The following ASPH variants were observed in gnomAD, a reference collection of about 807,000 sequenced individuals.
ASPH encodes the protein aspartyl/asparaginyl beta-hydroxylase.
In ASPH, 100 loss-of-function variants were observed where a neutral mutation model predicts 118.4. The observed-to-expected ratio is 0.84, with a 90% confidence interval of 0.72 to 1.00. ASPH has a LOEUF of 1.00. Among genes scored for constraint, ASPH ranks in the 50% least tolerant of loss-of-function variants. ASPH has a pLI of 0.00. For synonymous variants in ASPH, 315 were observed against 325.6 expected (o/e 0.97, Z 0.35); for missense variants, 920 against 919.5 (o/e 1.00, Z -0.01).
intron 3 of ASPH, 101 bp from the exon 4 acceptor site, chr8:61,653,761 T>C (rs973303087): frequency 1.7e-6 from 2 of 1,168,632 alleles, no homozygotes; most frequent in South Asian, 1.6e-5. Context: ...TTAATAGTGC[T>C]GCTAATTAAT....
In ASPH at chr8:61,584,014, G is replaced by T; in HGVS notation, c.992C>A (p.Pro331His). Residue 331 changes from proline (P) to histidine (H), a missense_variant, in exon 15 of 25, where the codon CCT becomes CAT. Physicochemically the swap from Pro to His is moderately conservative, Grantham distance 77. Transcript: ENST00000379454. Reference sequence around the variant, plus strand: ...CTTATCAAATTTATTTAAAAGTTTAGGCTTCTTTTTCTTAACTGAAAGAAA... The same window carrying T: ...CTTATCAAATTTATTTAAAAGTTTATGCTTCTTTTTCTTAACTGAAAGAAA... The part of the protein sequence containing the change: ...EQKAKVKKKK[P>H]KLLNKFDKTI... 3 of 1,549,440 alleles carry T rather than the reference G, an allele frequency of 1.9e-6. No individual in the cohort carries two copies. Among genetic ancestry groups the T allele is most frequent in the Non-Finnish European group, 1.8e-6 (2 of 1,141,222 alleles).
chr8:61,618,271 CAAATT>C (rs771510151), intron 14 of ASPH, among the ~76,000 whole-genome samples: 5 of 152,092 alleles, frequency 3.3e-5, no homozygotes, highest in East Asian at 1.9e-4. Context: ...TTCATCACTA[CAAATT>C]AAATTAAAAG....
intron 1 of ASPH, among the ~76,000 whole-genome samples, chr8:61,706,457 G>GAAGAAGGAGGAAGAGGAA (rs1563667395): frequency 1.6e-4 from 20 of 126,982 alleles, no homozygotes; most frequent in African/African-American, 6.4e-4. Flanking sequence ...AGAAGAAGAA[G>GAAGAAGGAGGAAGAGGAA]GAGGAAGAGG....
chr8:61,562,620 C>G, intron 18 of ASPH, 124 bp downstream of exon 18: 1 of 993,430 alleles, frequency 1.0e-6, no homozygotes. Flanking sequence ...AATATGTTAA[C>G]TATAATAATA....
intron 1 of ASPH, among the ~76,000 whole-genome samples, chr8:61,695,989 G>A (rs1833846182): frequency 1.3e-5 from 2 of 152,208 alleles, no homozygotes; most frequent in South Asian, 4.1e-4. Flanking sequence ...AGCTAAGAGA[G>A]AGAAATTCAG....
intron 14 of ASPH, chr8:61,606,355 A>G (rs1845576171): frequency 6.6e-6 from 1 of 152,232 alleles, no homozygotes; most frequent in Admixed American, 6.5e-5. Flanking sequence ...GAGAGGAGCC[A>G]AATTTCAATG....
intron 1 of ASPH, among the ~76,000 whole-genome samples, chr8:61,698,334 GGTTACAGTCT>G (rs1290591559): frequency 1.3e-5 from 2 of 152,214 alleles, no homozygotes; most frequent in African/African-American, 4.8e-5. Flanking sequence ...TACAAGGGTA[GGTTACAGTCT>G]GTTTATTCAT....
At chr8:61,595,045 T>G (rs917868661) in intron 14 of ASPH, among the ~76,000 whole-genome samples, 2 of 152,250 alleles carry the variant, frequency 1.3e-5, no homozygotes, top group African/African-American at 4.8e-5. Context: ...TTCATATTTT[T>G]TAGATATCAT....
At chr8:61,568,235 C>T (rs1460647272) in intron 16 of ASPH, among the ~76,000 whole-genome samples, 3 of 152,148 alleles carry the variant, frequency 2.0e-5, no homozygotes, top group Admixed American at 6.6e-5. Flanking sequence ...AGGCAGAACA[C>T]TCCAGCAGGA....
chr8:61,599,097 A>AAAAAGCC (rs1484604678), intron 14 of ASPH, among the ~76,000 whole-genome samples: 1 of 152,222 alleles, frequency 6.6e-6, no homozygotes, highest in Non-Finnish European at 1.5e-5. Flanking sequence ...GAAGATCAAG[A>AAAAAGCC]AAAAGCCAAA....
chr8:61,544,748 A>G (rs986302852), intron 21 of ASPH, among the ~76,000 whole-genome samples: 6 of 152,244 alleles, frequency 3.9e-5, no homozygotes, highest in Non-Finnish European at 8.8e-5. Flanking sequence ...AATTTTTGAG[A>G]ACCCATCATG....
At chr8:61,534,159 C>A (rs1818627658) in intron 21 of ASPH, among the ~76,000 whole-genome samples, 2 of 152,124 alleles carry the variant, frequency 1.3e-5, no homozygotes, top group Admixed American at 6.5e-5. Flanking sequence ...GTTGGTCAGG[C>A]TGGTCTTGAA....
intron 3 of ASPH, among the ~76,000 whole-genome samples, chr8:61,670,506 G>A (rs1185075092): frequency 1.3e-5 from 2 of 152,002 alleles, no homozygotes; most frequent in African/African-American, 2.4e-5. Context: ...AAAATCTAGG[G>A]TGCTCACATC....
chr8:61,624,859 T>A (rs1271652236), intron 13 of ASPH: 3 of 985,560 alleles, frequency 3.0e-6, no homozygotes, highest in Non-Finnish European at 3.6e-6. Flanking sequence ...AATTTGAGTA[T>A]CATCTCTGTA....
chr8:61,562,902 A>G (rs1158162302), intron 17 of ASPH, 22 bp from the exon 18 acceptor site: 1 of 1,559,040 alleles, frequency 6.4e-7, no homozygotes, highest in South Asian at 1.2e-5. Context: ...GGAATTTAAA[A>G]AAAATAGAAA....
chr8:61,705,253 G>A (rs902776303), intron 1 of ASPH, among the ~76,000 whole-genome samples: 1 of 152,096 alleles, frequency 6.6e-6, no homozygotes, highest in Non-Finnish European at 1.5e-5. Flanking sequence ...TGAGGGTGGA[G>A]GGTGGGAGGA....
intron 15 of ASPH, chr8:61,578,814 G>A (rs1836294471): frequency 1.2e-6 from 2 of 1,610,290 alleles, no homozygotes; most frequent in Middle Eastern, 1.7e-4. Flanking sequence ...CATCAAGAAG[G>A]ATGTGGATGA....
intron 21 of ASPH, among the ~76,000 whole-genome samples, chr8:61,538,184 A>G (rs1029852094): frequency 1.3e-5 from 2 of 152,238 alleles, no homozygotes; most frequent in Non-Finnish European, 2.9e-5. Flanking sequence ...GGACTTGCCC[A>G]AAGTGTCAGA....
At chr8:61,699,543 A>C (rs984391984) in intron 1 of ASPH, among the ~76,000 whole-genome samples, 1 of 152,208 alleles carries the variant, frequency 6.6e-6, no homozygotes, top group East Asian at 1.9e-4. Flanking sequence ...TCATTATTCT[A>C]ATTCACAAAA....
Sources: gnomAD v4.1 joint callset for allele counts (sites outside exome capture counted in the v4.1 genomes callset) on GRCh38, gnomAD v4.1.1 for gene constraint, MANE v1.5 for transcripts, NCBI Gene and HGNC (gene_info 2026-07-23, HGNC 2026-07-21) for gene names.